TFR2: variants seen among roughly 807,000 people sequenced by gnomAD.
TFR2 encodes the protein transferrin receptor 2.
In TFR2, 64 loss-of-function variants were observed where a neutral mutation model predicts 91.9. The ratio of observed to expected loss-of-function variants is 0.70; its 90% confidence interval spans 0.57 to 0.86. The LOEUF (loss-of-function observed/expected upper bound fraction) is 0.86. Ranked by LOEUF, TFR2 falls within the 40% of genes least tolerant of loss-of-function variation. The pLI is 0.00. For missense variants in TFR2, 950 were observed against 1,080.5 expected, an observed-to-expected ratio of 0.88 and a Z score of 1.69; for synonymous variants, 454 against 459.6, an observed-to-expected ratio of 0.99 and a Z score of 0.15.
intron 16 of TFR2, 85 bp downstream of exon 16, chr7:100,627,179 G>T: frequency 7.0e-7 from 1 of 1,429,620 alleles, no homozygotes. Flanking sequence ...AGACCCCAGG[G>T]AATGCAGAGA....
At chr7:100,631,196 C>T (rs1283165804) in intron 8 of TFR2, 144 bp from the exon 9 acceptor site, 10 of 970,518 alleles carry the variant, frequency 1.0e-5, no homozygotes, top group African/African-American at 1.7e-5. Context: ...GCAGTGCAGT[C>T]AGGGCTGCCT....
intron 17 of TFR2, chr7:100,626,492 T>A: frequency 7.9e-7 from 1 of 1,267,970 alleles, no homozygotes; most frequent in Non-Finnish European, 1.0e-6. Flanking sequence ...TGGGGGAGGG[T>A]GGATTGTCCC....
intron 9 of TFR2, 105 bp downstream of exon 9, chr7:100,630,784 C>T: frequency 6.5e-7 from 1 of 1,529,042 alleles, no homozygotes. Flanking sequence ...CACTCCTGTC[C>T]CCTCTTGGGG....
At position 100,633,218 on chromosome 7, in the gene TFR2, G is replaced by A. The variant is rs533924518; in HGVS notation, c.726+11C>T. 19 of 1,613,646 alleles carry A rather than the reference G, an allele frequency of 1.2e-5. No individual in the cohort carries two copies. The South Asian group carries it at 2.1e-4, about 18-fold the overall frequency. ...CGCGCCCCATCCTAGGAGCGGGCAG[G>A]GGGTGCTCACCGTGACGTTGCCGAT... On this transcript the variant is annotated intron_variant, in intron 5 of 17. Coordinates refer to ENST00000223051, the MANE Select transcript of TFR2 (RefSeq NM_003227.4).
chr7:100,634,380 T>C (rs1803535349), intron 3 of TFR2, among the ~76,000 whole-genome samples: 1 of 152,156 alleles, frequency 6.6e-6, no homozygotes, highest in African/African-American at 2.4e-5. Flanking sequence ...CTCAGCCTCC[T>C]GAGCAGCTGG....
At chr7:100,625,059 C>CTTTTTTTTTTT (rs34968337) in intron 17 of TFR2, among the ~76,000 whole-genome samples, 3 of 105,284 alleles carry the variant, frequency 2.8e-5, no homozygotes, top group African/African-American at 3.9e-5. Flanking sequence ...TTTTCTTTTT[C>CTTTTTTTTTTT]TTTTTTTTTT....
chr7:100,641,312 G>T, intron 1 of TFR2, 84 bp from the exon 2 acceptor site: 1 of 1,505,826 alleles, frequency 6.6e-7, no homozygotes, highest in Non-Finnish European at 8.9e-7. Context: ...TCAGTGACTT[G>T]GGGGTGTCAA....
intron 17 of TFR2, among the ~76,000 whole-genome samples, chr7:100,621,400 C>A (rs1449521723): frequency 1.3e-5 from 2 of 152,128 alleles, no homozygotes; most frequent in African/African-American, 4.8e-5. Context: ...ATTACAGGCA[C>A]CCGCCACGAC....
chr7:100,633,213 G>A lies in TFR2; in HGVS notation c.726+16C>T, dbSNP rs907171106. 18 of 1,613,624 alleles carry A rather than the reference G, an allele frequency of 1.1e-5. No homozygotes were observed. The highest frequency in any genetic ancestry group is 1.5e-5 in the Non-Finnish European group (18 of 1,179,862). ...CGTGCCGCGCCCCATCCTAGGAGCG[G>A]GCAGGGGGTGCTCACCGTGACGTTG... On this transcript the variant is annotated intron_variant, in intron 5 of 17. Transcript: ENST00000223051.
chr7:100,621,696 G>A (rs759559361), intron 17 of TFR2, among the ~76,000 whole-genome samples: 5 of 152,042 alleles, frequency 3.3e-5, no homozygotes, highest in African/African-American at 7.2e-5. Context: ...TCCCCACACC[G>A]AGTCATTCTC....
chr7:100,639,228 G>A (rs545773687), intron 3 of TFR2, among the ~76,000 whole-genome samples: 2 of 152,044 alleles, frequency 1.3e-5, no homozygotes, highest in Non-Finnish European at 1.5e-5. Flanking sequence ...TTAATCAAGC[G>A]TGATGGCACA....
chr7:100,626,941 G>A, intron 16 of TFR2, 38 bp from the exon 17 acceptor site: 1 of 1,524,278 alleles, frequency 6.6e-7, no homozygotes, highest in Non-Finnish European at 8.8e-7. Context: ...TGGCGGCAGG[G>A]GCCAGGACCC....
chr7:100,641,200 G>T lies in TFR2; in HGVS notation c.62C>A (p.Thr21Asn). 3.3e-6 allele frequency: 5 copies of T among 1,535,554 alleles called. No homozygotes were observed. The highest frequency in any genetic ancestry group is 3.5e-6 in the Non-Finnish European group (4 of 1,138,556). ...AQQLSPRSSQ[T>N]VYQRVEGPRK... ...GGGGCCTTCCACACGCTGGTAGACG[G>T]TCTGAGAGGATCTTGGGGACAGTTG... Residue 21 changes from threonine to asparagine, a missense_variant, in exon 2 of 18, where the codon ACC becomes AAC. Coordinates refer to ENST00000223051, the MANE Select transcript of TFR2 (RefSeq NM_003227.4).
intron 6 of TFR2, 122 bp from the exon 7 acceptor site, chr7:100,632,320 G>A (rs989191198): frequency 1.1e-6 from 1 of 905,952 alleles, no homozygotes; most frequent in Non-Finnish European, 1.8e-6. Flanking sequence ...AGGATGTGGG[G>A]GCACTACCTG....
At chr7:100,629,184 G>T in intron 10 of TFR2, 69 bp downstream of exon 10, 1 of 1,596,138 alleles carries the variant, frequency 6.3e-7, no homozygotes, top group Non-Finnish European at 8.6e-7. Context: ...CTGCCTCTCT[G>T]CCCTATCCTC....
At chr7:100,633,698 CTTTTTTTTTTTTTTTT>C (rs397890558) in intron 3 of TFR2, 142 bp from the exon 4 acceptor site, 10 of 214,404 alleles carry the variant, frequency 4.7e-5, no homozygotes, top group South Asian at 5.8e-5. Flanking sequence ...CCCGCGGACG[CTTTTTTTTTTTTTTTT>C]TTTTTTTTTT....
intron 1 of TFR2, 46 bp from the exon 2 acceptor site, chr7:100,641,274 G>T: frequency 6.5e-7 from 1 of 1,529,806 alleles, no homozygotes; most frequent in Non-Finnish European, 8.8e-7. Flanking sequence ...AGGCCTGGGG[G>T]GTGGGGAGGC....
intron 10 of TFR2, among the ~76,000 whole-genome samples, chr7:100,628,908 A>G (rs1193434564): frequency 6.6e-6 from 1 of 152,074 alleles, no homozygotes; most frequent in Non-Finnish European, 1.5e-5. Context: ...CTGGGATTAC[A>G]GGCGCCCTCC....
rs1158515129 is a variant in TFR2, at chr7:100,630,876, A to C, written c.1270+13T>G. 1.9e-6 allele frequency: 3 copies of C among 1,612,354 alleles called. No homozygotes were observed. In the South Asian group the frequency reaches 3.3e-5, roughly 18 times the overall value. The stretch of plus-strand genomic sequence containing the variant: ...CACCACCAGCTGTGAGTGATACTGG[A>C]CACACAGCATACCTGGCTCTGAGCG... On this transcript the variant is annotated intron_variant, in intron 9 of 17. Coordinates refer to ENST00000223051, the MANE Select transcript of TFR2 (RefSeq NM_003227.4).
Sources: allele counts gnomAD v4.1 joint callset (sites outside exome capture counted in the v4.1 genomes callset), GRCh38; gene constraint gnomAD v4.1.1; transcripts MANE v1.5; gene names NCBI Gene and HGNC (gene_info 2026-07-23, HGNC 2026-07-21).